Variants in R3HDM1 observed in about 807,000 individuals in gnomAD.
The protein encoded by R3HDM1 is R3H domain-containing protein 1.
In R3HDM1, 46 loss-of-function variants were observed where a neutral mutation model predicts 141.1. That is an observed-to-expected ratio of 0.33 (90% CI 0.26 to 0.42). The LOEUF is 0.42. Among genes scored for constraint, R3HDM1 ranks in the 10% least tolerant of loss-of-function variants. The pLI is 1.00. For missense variants in R3HDM1, 1,184 were observed against 1,368.3 expected (o/e 0.87, Z 2.12); for synonymous variants, 435 against 472.9 (o/e 0.92, Z 1.04).
intron 3 of R3HDM1, among the ~76,000 whole-genome samples, chr2:135,615,275 G>C (rs564698109): frequency 6.6e-6 from 1 of 151,524 alleles, no homozygotes. Flanking sequence ...AAGCATACTA[G>C]TCTGGATATT....
At chr2:135,712,820 C>T (rs1001268683) in intron 23 of R3HDM1, among the ~76,000 whole-genome samples, 2 of 151,938 alleles carry the variant, frequency 1.3e-5, no homozygotes, top group Admixed American at 6.6e-5. Context: ...ACTTGGGAGG[C>T]TGAGGCAGGA....
At chr2:135,693,125 T>C (rs1359500292) in intron 21 of R3HDM1, among the ~76,000 whole-genome samples, 1 of 152,242 alleles carries the variant, frequency 6.6e-6, no homozygotes, top group Non-Finnish European at 1.5e-5. Flanking sequence ...TTTCCATAAA[T>C]TTTTATTGCT....
At chr2:135,658,458 T>C (rs1014026131) in intron 18 of R3HDM1, among the ~76,000 whole-genome samples, 1 of 152,182 alleles carries the variant, frequency 6.6e-6, no homozygotes, top group East Asian at 1.9e-4. Flanking sequence ...TGAGCAACTG[T>C]GCCCGGCCAA....
At chr2:135,679,968 T>G (rs2069949854) in intron 20 of R3HDM1, among the ~76,000 whole-genome samples, 1 of 152,100 alleles carries the variant, frequency 6.6e-6, no homozygotes, top group Admixed American at 6.6e-5. Context: ...TAGTCCCAGC[T>G]ACTCAGGAGG....
At chr2:135,638,819 T>A in intron 13 of R3HDM1, 30 bp downstream of exon 13, 2 of 1,613,216 alleles carry the variant, frequency 1.2e-6, no homozygotes, top group Non-Finnish European at 1.7e-6. Context: ...AATACAGTAT[T>A]GAAAAATTAA....
intron 23 of R3HDM1, among the ~76,000 whole-genome samples, chr2:135,714,936 T>C (rs1340495539): frequency 3.3e-5 from 5 of 152,240 alleles, no homozygotes; most frequent in African/African-American, 7.2e-5. Context: ...GCTGTATGTA[T>C]TCTCTCATGC....
chr2:135,654,427 TTTGTTG>T (rs35477275), intron 18 of R3HDM1, among the ~76,000 whole-genome samples: 2,638 of 149,190 alleles, frequency 0.018, 69 homozygotes, highest in African/African-American at 0.057. Context: ...AATGTTTTCT[TTTGTTG>T]TTGTTGTTGT....
chr2:135,710,054 T>C lies in R3HDM1; in HGVS notation c.2564-5T>C. 1.2e-6 allele frequency: 2 copies of C among 1,612,564 alleles called. No homozygotes were observed. The highest frequency in any genetic ancestry group is 1.7e-6 in the Non-Finnish European group (2 of 1,179,196). On this transcript the variant is annotated splice_region_variant and splice_polypyrimidine_tract_variant and intron_variant, in intron 22 of 26. Coordinates refer to ENST00000683871, the MANE Select transcript of R3HDM1 (RefSeq NM_001378107.1). The stretch of plus-strand genomic sequence containing the variant: ...GACTATAGCATCCTAAATTCTGATT[T>C]TCAGCTGGACCACCACCGCCACCTG...
At chr2:135,537,951 C>T (rs1290628758) in intron 1 of R3HDM1, among the ~76,000 whole-genome samples, 1 of 152,116 alleles carries the variant, frequency 6.6e-6, no homozygotes, top group African/African-American at 2.4e-5. Flanking sequence ...GTGATACATC[C>T]ATACCATGGA....
chr2:135,677,939 C>G (rs1244837628), intron 20 of R3HDM1, among the ~76,000 whole-genome samples: 1 of 151,766 alleles, frequency 6.6e-6, no homozygotes, highest in Non-Finnish European at 1.5e-5. Flanking sequence ...CTCTCTCGCT[C>G]GCTCTCTCTC....
chr2:135,671,660 C>T (rs962528914), intron 19 of R3HDM1, among the ~76,000 whole-genome samples: 9 of 151,980 alleles, frequency 5.9e-5, no homozygotes, highest in Non-Finnish European at 1.0e-4. Context: ...TGAACCACCG[C>T]GCTGGCCCAA....
At chr2:135,695,108 T>C (rs555301807) in intron 21 of R3HDM1, among the ~76,000 whole-genome samples, 1 of 152,144 alleles carries the variant, frequency 6.6e-6, no homozygotes, top group African/African-American at 2.4e-5. Context: ...GCCTGAAAAA[T>C]CATAAAAGCA....
chr2:135,607,799 G>C (rs767285979), intron 3 of R3HDM1: 12 of 950,134 alleles, frequency 1.3e-5, no homozygotes, highest in Non-Finnish European at 1.5e-5. Context: ...GTTGTTTGTA[G>C]TATAAGAAAA....
At chr2:135,554,732 C>T (rs1320985686) in intron 1 of R3HDM1, among the ~76,000 whole-genome samples, 1 of 152,118 alleles carries the variant, frequency 6.6e-6, no homozygotes. Context: ...GCCACATGAA[C>T]ATGAAAATGG....
Position 135,724,018 on chromosome 2 carries a change from T to C in R3HDM1, c.3131T>C (p.Phe1044Ser). The C allele has an allele frequency of 1.9e-6, 3 of 1,613,956 alleles. No homozygotes were observed. Among genetic ancestry groups the C allele is most frequent in the Non-Finnish European group, 2.5e-6 (3 of 1,180,012 alleles). ...MEAEKLFGEL[F>S]KIGAKIRWLR... ...GCTGAAAAGCTTTTTGGGGAACTCTTTAAAATTGGCGCCAAGATCCGGTGG... is the reference window on the plus strand; with the variant it reads ...GCTGAAAAGCTTTTTGGGGAACTCTCTAAAATTGGCGCCAAGATCCGGTGG... The change falls in exon 27 of 27, where the codon TTT (phenylalanine) becomes TCT (serine). Residue 1044 changes from phenylalanine to serine, a missense_variant. Phe to Ser is a radical substitution (Grantham distance 155). This residue lies in a region of R3HDM1 where 182 missense variants were observed against 252.6 expected (regional missense o/e 0.72). Coordinates refer to ENST00000683871, the MANE Select transcript of R3HDM1 (RefSeq NM_001378107.1).
rs1443528758 is a variant in R3HDM1 at position 135,621,586 on chromosome 2, G to T, written c.396G>T (p.Leu132Phe). The change falls in exon 6 of 27, where the codon TTG becomes TTT. Residue 132 changes from leucine (L) to phenylalanine (F), a missense_variant. Transcript: ENST00000683871. ...AAAAAGAAAAGGCCAGTGATAAGTT[G>T]CCCAGAAAAATGTTATCAAGAGGTT... ...EAEKEKASDK[L>F]PRKMLSRDSS... 6.3e-7 allele frequency: 1 copy of T among 1,588,698 alleles called. No homozygotes were observed. The highest frequency in any genetic ancestry group is 8.6e-7 in the Non-Finnish European group (1 of 1,168,434).
chr2:135,589,313 A>C (rs1708681391), intron 1 of R3HDM1, among the ~76,000 whole-genome samples: 1 of 152,184 alleles, frequency 6.6e-6, no homozygotes, highest in African/African-American at 2.4e-5. Context: ...TGTCATTTTC[A>C]CATACAGCTC....
At chr2:135,571,568 C>T (rs974425885) in intron 1 of R3HDM1, among the ~76,000 whole-genome samples, 3 of 151,762 alleles carry the variant, frequency 2.0e-5, no homozygotes, top group Non-Finnish European at 2.9e-5. Flanking sequence ...TCAGGCAGTT[C>T]GCCCGCCTCA....
intron 20 of R3HDM1, among the ~76,000 whole-genome samples, chr2:135,677,926 GCT>G (rs1027230011): frequency 2.6e-5 from 4 of 151,904 alleles, no homozygotes; most frequent in Non-Finnish European, 4.4e-5. Flanking sequence ...TCGGTCGCTT[GCT>G]CTCTCTCGCT....
Sources: gnomAD v4.1 joint callset for allele counts (sites outside exome capture counted in the v4.1 genomes callset) on GRCh38, gnomAD v4.1.1 for gene constraint, gnomAD v4.1.1 regional missense constraint, MANE v1.5 for transcripts, NCBI Gene and HGNC (gene_info 2026-07-23, HGNC 2026-07-21) for gene names.